The following SPPL3 variants were observed in gnomAD, a reference collection of about 807,000 sequenced individuals.
SPPL3 encodes signal peptide peptidase like 3.
Under a neutral mutation model 42.4 loss-of-function variants are expected in SPPL3, and 5 were observed. That is an observed-to-expected ratio of 0.12 (90% CI 0.06 to 0.25). SPPL3 has a LOEUF of 0.25. Among genes scored for constraint, SPPL3 ranks in the 10% least tolerant of loss-of-function variants. The pLI is 1.00. For synonymous variants in SPPL3, 195 were observed against 181.8 expected (o/e 1.07, Z -0.58); for missense variants, 235 against 489.0 (o/e 0.48, Z 4.90).
intron 6 of SPPL3, among the ~76,000 whole-genome samples, chr12:120,773,749 G>A (rs377699811): frequency 6.6e-6 from 1 of 152,260 alleles, no homozygotes; most frequent in African/African-American, 2.4e-5. Flanking sequence ...GACTACCAGC[G>A]CCCGCCACCA....
At chr12:120,842,711 C>T (rs1871872409) in intron 1 of SPPL3, among the ~76,000 whole-genome samples, 2 of 152,016 alleles carry the variant, frequency 1.3e-5, no homozygotes, top group South Asian at 4.2e-4. Flanking sequence ...GCACTAATCC[C>T]ATTAACGAGG....
rs186536160 is a variant in SPPL3, at chr12:120,780,031, C to T, written c.502+2624G>A. Among the ~76,000 whole-genome samples the T allele has an allele frequency of 2.0e-5, 3 of 150,150 alleles. No individual in the cohort carries two copies. In the East Asian group the frequency reaches 6.0e-4, roughly 30 times the overall value. On this transcript the variant is annotated intron_variant, in intron 6 of 10. Transcript: ENST00000353487. ...AAAAAGAAGTGGAAACAGAATGATA[C>T]GGTTTAAAAGAAAAGTTTAAAAACA...
intron 1 of SPPL3, among the ~76,000 whole-genome samples, chr12:120,899,106 A>G (rs1013437519): frequency 2.0e-5 from 3 of 152,258 alleles, no homozygotes; most frequent in Non-Finnish European, 2.9e-5. Context: ...CTGTGTTTTC[A>G]CATGCATTCT....
intron 1 of SPPL3, among the ~76,000 whole-genome samples, chr12:120,838,724 C>T (rs1871703510): frequency 6.6e-6 from 1 of 152,138 alleles, no homozygotes; most frequent in Admixed American, 6.5e-5. Context: ...AGTTACCATT[C>T]CAAGAGAGTG....
chr12:120,829,158 T>C (rs1460107721), intron 1 of SPPL3, among the ~76,000 whole-genome samples: 1 of 152,192 alleles, frequency 6.6e-6, no homozygotes, highest in Non-Finnish European at 1.5e-5. Flanking sequence ...AAACAGATCA[T>C]AAGCTTAAAT....
At chr12:120,890,835 G>C (rs1044246154) in intron 1 of SPPL3, among the ~76,000 whole-genome samples, 15 of 152,124 alleles carry the variant, frequency 9.9e-5, no homozygotes, top group Non-Finnish European at 1.8e-4. Flanking sequence ...CTTATTATTT[G>C]ATGAGAATCA....
chr12:120,892,297 A>G (rs1314699661), intron 1 of SPPL3, among the ~76,000 whole-genome samples: 1 of 152,174 alleles, frequency 6.6e-6, no homozygotes, highest in Non-Finnish European at 1.5e-5. Flanking sequence ...AGATGGTCAT[A>G]TTAAATACAT....
chr12:120,833,696 G>A (rs1231577360), intron 1 of SPPL3, among the ~76,000 whole-genome samples: 4 of 134,014 alleles, frequency 3.0e-5, no homozygotes, highest in Admixed American at 7.5e-5. Flanking sequence ...AAAAAAAAAG[G>A]AAAAAGAGAA....
At chr12:120,862,749 G>C (rs1872647542) in intron 1 of SPPL3, among the ~76,000 whole-genome samples, 1 of 152,088 alleles carries the variant, frequency 6.6e-6, no homozygotes, top group Non-Finnish European at 1.5e-5. Flanking sequence ...ACACAGGCAT[G>C]ATTGATTAAA....
At chr12:120,772,446 C>T (rs1221865488) in intron 6 of SPPL3, among the ~76,000 whole-genome samples, 1 of 149,870 alleles carries the variant, frequency 6.7e-6, no homozygotes, top group African/African-American at 2.5e-5. Context: ...TGACCACGTG[C>T]TCCTGGGAAA....
In SPPL3 at chr12:120,810,792, A is replaced by AT; in HGVS notation, c.101+16dup. On this transcript the variant is annotated intron_variant, in intron 2 of 10. Transcript: ENST00000353487. Reference sequence around the variant, plus strand: ...TCCACCTCCAACTTGTATCAACCCCATTTGAGAATATCTTACCTGAAACTA... The same window carrying AT: ...TCCACCTCCAACTTGTATCAACCCCATTTTGAGAATATCTTACCTGAAACTA... 1 of 1,587,668 alleles carries AT rather than the reference A, an allele frequency of 6.3e-7. No individual in the cohort carries two copies. Among genetic ancestry groups the AT allele is most frequent in the Non-Finnish European group, 8.6e-7 (1 of 1,157,834 alleles).
chr12:120,897,409 T>G (rs560379230), intron 1 of SPPL3, among the ~76,000 whole-genome samples: 1 of 152,190 alleles, frequency 6.6e-6, no homozygotes, highest in Non-Finnish European at 1.5e-5. Context: ...ACTTTAACTA[T>G]AGGCAAAATA....
chr12:120,814,135 GGT>G (rs1870786404), intron 1 of SPPL3, among the ~76,000 whole-genome samples: 1 of 152,182 alleles, frequency 6.6e-6, no homozygotes, highest in African/African-American at 2.4e-5. Context: ...TGGAATGATA[GGT>G]ATATTGTATC....
intron 1 of SPPL3, among the ~76,000 whole-genome samples, chr12:120,862,366 C>G (rs1315872483): frequency 6.6e-6 from 1 of 152,098 alleles, no homozygotes; most frequent in Non-Finnish European, 1.5e-5. Context: ...GTGTCACAGG[C>G]CCTGCATGTT....
At chr12:120,846,374 T>C (rs1393561875) in intron 1 of SPPL3, among the ~76,000 whole-genome samples, 1 of 152,264 alleles carries the variant, frequency 6.6e-6, no homozygotes, top group Non-Finnish European at 1.5e-5. Context: ...CAAAGATATA[T>C]GCTGGGCTCT....
At chr12:120,881,056 C>T (rs1158202698) in intron 1 of SPPL3, among the ~76,000 whole-genome samples, 1 of 152,038 alleles carries the variant, frequency 6.6e-6, no homozygotes, top group Non-Finnish European at 1.5e-5. Flanking sequence ...AACACACACA[C>T]ACACAAAATT....
chr12:120,809,376 C>T (rs75316742), intron 2 of SPPL3, among the ~76,000 whole-genome samples: 3,083 of 151,770 alleles, frequency 0.02, 60 homozygotes, highest in South Asian at 0.052. Flanking sequence ...AACCTTTTAT[C>T]GGTGTATACT....
chr12:120,820,564 C>T (rs1013126232), intron 1 of SPPL3, among the ~76,000 whole-genome samples: 5 of 151,998 alleles, frequency 3.3e-5, no homozygotes, highest in African/African-American at 9.7e-5. Context: ...GATCTGCCCG[C>T]CTCGGCCTCC....
At chr12:120,779,570 G>C (rs1869449182) in intron 6 of SPPL3, among the ~76,000 whole-genome samples, 1 of 152,166 alleles carries the variant, frequency 6.6e-6, no homozygotes, top group Non-Finnish European at 1.5e-5. Context: ...AAAGGAAAAG[G>C]TGATAGTTCA....
Sources: allele counts gnomAD v4.1 joint callset (sites outside exome capture counted in the v4.1 genomes callset), GRCh38; gene constraint gnomAD v4.1.1; transcripts MANE v1.5; gene names NCBI Gene and HGNC (gene_info 2026-07-23, HGNC 2026-07-21).